TUFT1: variants seen among roughly 807,000 people sequenced by gnomAD.
The protein encoded by TUFT1 is tuftelin.
Under a neutral mutation model 57.8 loss-of-function variants are expected in TUFT1, and 43 were observed. The observed-to-expected ratio is 0.74, with a 90% CI of 0.58 to 0.96. The LOEUF is 0.96. TUFT1 is among the 40% of genes least tolerant of loss of function. The probability of loss-of-function intolerance (pLI) is 0.00; values close to 1 mark genes in which losing one functional copy is unlikely to be tolerated. For missense variants in TUFT1, 459 were observed against 489.0 expected (o/e 0.94, Z 0.58); for synonymous variants, 166 against 176.7 (o/e 0.94, Z 0.48).
At chr1:151,581,528 C>A in intron 12 of TUFT1, 116 bp from the exon 13 acceptor site, 2 of 957,264 alleles carry the variant, frequency 2.1e-6, no homozygotes, top group Non-Finnish European at 3.3e-6. Context: ...AGTGATCAGC[C>A]AGCACTGCAG....
chr1:151,541,167 A>G (rs1417757312), intron 1 of TUFT1, among the ~76,000 whole-genome samples: 1 of 151,784 alleles, frequency 6.6e-6, no homozygotes, highest in African/African-American at 2.4e-5. Flanking sequence ...AGGCCCTGGG[A>G]TAGTGGAGGA....
At chr1:151,557,529 G>A (rs920103186) in intron 1 of TUFT1, 27 of 1,267,090 alleles carry the variant, frequency 2.1e-5, no homozygotes, top group South Asian at 3.6e-5. Flanking sequence ...ATGTCCACAT[G>A]CCTAAGCACC....
intron 1 of TUFT1, among the ~76,000 whole-genome samples, chr1:151,547,923 A>G (rs1056125972): frequency 1.2e-4 from 19 of 152,112 alleles, no homozygotes; most frequent in African/African-American, 4.6e-4. Flanking sequence ...CCTTTTTCTC[A>G]TTTCACCTCA....
At chr1:151,547,282 T>G (rs190563811) in intron 1 of TUFT1, among the ~76,000 whole-genome samples, 55 of 152,330 alleles carry the variant, frequency 3.6e-4, no homozygotes, top group Admixed American at 7.8e-4. Flanking sequence ...CATCAGGCAT[T>G]TGGCACTAAC....
rs748945354 is a variant in TUFT1 at position 151,545,887 on chromosome 1, C to T, written c.60+5461C>T. The T allele has an allele frequency of 6.2e-5, 33 of 532,514 alleles. No homozygotes were observed. The Admixed American group carries it at 6.4e-4, about 10-fold the overall frequency. 33.0% of individuals were successfully genotyped at this position (532,514 alleles called of 1,614,324 possible). On this transcript the variant is annotated intron_variant, in intron 1 of 12. Transcript: ENST00000368849. The stretch of plus-strand genomic sequence containing the variant: ...TCATATTTTGGCATCTCTCTCTGGG[C>T]ATCTTTCCTCTTCTTTTTTAGACCT...
chr1:151,557,810 C>T (rs1665755669), intron 1 of TUFT1: 13 of 756,294 alleles, frequency 1.7e-5, no homozygotes, highest in South Asian at 1.3e-4. Flanking sequence ...GGAAAGCGGA[C>T]AGAGATAACC....
intron 1 of TUFT1, chr1:151,561,485 A>G (rs1224763116): frequency 5.9e-6 from 5 of 842,770 alleles, no homozygotes; most frequent in Non-Finnish European, 7.1e-6. Context: ...ACACACACAC[A>G]CACACACACA....
chr1:151,578,262 TCA>T (rs1291793825), intron 9 of TUFT1, among the ~76,000 whole-genome samples: 39 of 152,328 alleles, frequency 2.6e-4, no homozygotes, highest in African/African-American at 9.4e-4. Flanking sequence ...TTTCCGAGCC[TCA>T]GTTTCCTCTC....
rs1558014145 is a variant in TUFT1 at position 151,574,340 on chromosome 1, TGGA to T, written c.667_669del (p.Glu223del). On this transcript the variant is annotated inframe_deletion, in exon 8 of 13. Coordinates refer to ENST00000368849, the MANE Select transcript of TUFT1 (RefSeq NM_020127.3). ...GCCCTTCAGAGAGAGGAGGACAGAG[TGGA>T]GCAGAAAGAGGCAGAAGTCGGAGAG... 1 of 1,613,560 alleles carries T rather than the reference TGGA, an allele frequency of 6.2e-7. No homozygotes were observed. The highest frequency in any genetic ancestry group is 8.5e-7 in the Non-Finnish European group (1 of 1,179,890).
intron 1 of TUFT1, among the ~76,000 whole-genome samples, chr1:151,554,225 G>A (rs1013781058): frequency 1.3e-5 from 2 of 152,118 alleles, no homozygotes; most frequent in African/African-American, 4.8e-5. Flanking sequence ...TAGACTATCT[G>A]GGTTTCACCA....
chr1:151,549,865 G>A (rs1665454542), intron 1 of TUFT1, among the ~76,000 whole-genome samples: 1 of 152,134 alleles, frequency 6.6e-6, no homozygotes, highest in South Asian at 2.1e-4. Flanking sequence ...GGGACTGCAG[G>A]TGTGCACCAC....
intron 1 of TUFT1, among the ~76,000 whole-genome samples, chr1:151,558,335 G>A (rs779901067): frequency 1.3e-5 from 2 of 151,112 alleles, no homozygotes; most frequent in Middle Eastern, 3.4e-3. Flanking sequence ...TGTCATTTCC[G>A]AAGAGAAAAT....
rs1466882211 is a variant in TUFT1 at position 151,562,669 on chromosome 1, C to A, written c.220C>A (p.His74Asn). The change falls in exon 3 of 13, where the codon CAT becomes AAT. Residue 74 changes from histidine to asparagine, a missense_variant. Physicochemically the swap from His to Asn is moderately conservative, Grantham distance 68. Coordinates refer to ENST00000368849, the MANE Select transcript of TUFT1 (RefSeq NM_020127.3). ...ASELVESHDG[H>N]EEIIKVYLKG... ...AGAACTGGTGGAGTCCCATGATGGA[C>A]ATGAGGAGATCATTAAGGTAAGCTT... 3 of 1,613,304 alleles carry A rather than the reference C, an allele frequency of 1.9e-6. No homozygotes were observed. The highest frequency in any genetic ancestry group is 2.5e-6 in the Non-Finnish European group (3 of 1,179,948).
intron 9 of TUFT1, among the ~76,000 whole-genome samples, chr1:151,578,011 G>T (rs1294241427): frequency 6.6e-6 from 1 of 151,330 alleles, no homozygotes; most frequent in Non-Finnish European, 1.5e-5. Flanking sequence ...GGGCTACAGA[G>T]TGAGACCCTG....
intron 1 of TUFT1, among the ~76,000 whole-genome samples, chr1:151,542,083 G>A (rs1389641239): frequency 6.6e-6 from 1 of 152,188 alleles, no homozygotes; most frequent in African/African-American, 2.4e-5. Context: ...GGAGAGGGAT[G>A]TTTGGGCTGC....
chr1:151,551,037 T>G (rs1276953923), intron 1 of TUFT1, among the ~76,000 whole-genome samples: 1 of 152,266 alleles, frequency 6.6e-6, no homozygotes, highest in Non-Finnish European at 1.5e-5. Context: ...TCTACATGTC[T>G]TATCTTTATA....
At chr1:151,558,033 G>T (rs1571697225) in intron 1 of TUFT1, 1 of 381,928 alleles carries the variant, frequency 2.6e-6, no homozygotes, top group Non-Finnish European at 5.0e-6. Flanking sequence ...AAATCTTGTT[G>T]TATTTACCCA....
chr1:151,575,126 T>C, intron 9 of TUFT1, 121 bp downstream of exon 9: 1 of 874,910 alleles, frequency 1.1e-6, no homozygotes, highest in African/African-American at 1.7e-5. Flanking sequence ...ATGTCAGATC[T>C]TCCAGCTCTG....
intron 12 of TUFT1, 27 bp downstream of exon 12, chr1:151,581,069 G>C (rs377363214): frequency 1.6e-5 from 26 of 1,599,372 alleles, no homozygotes; most frequent in Non-Finnish European, 2.1e-5. Context: ...AGATAGAATG[G>C]GGCCAGGGAG....
Sources: allele counts gnomAD v4.1 joint callset (sites outside exome capture counted in the v4.1 genomes callset), GRCh38; gene constraint gnomAD v4.1.1; transcripts MANE v1.5; gene names NCBI Gene and HGNC (gene_info 2026-07-23, HGNC 2026-07-21).